Variants in RANBP17 observed in about 807,000 individuals in gnomAD.
The protein encoded by RANBP17 is ran-binding protein 17.
In RANBP17, 158 loss-of-function variants were observed where a neutral mutation model predicts 141.2. The ratio of observed to expected loss-of-function variants is 1.12; its 90% CI spans 0.98 to 1.28. The LOEUF (loss-of-function observed/expected upper bound fraction) is 1.28. Among genes scored for constraint, RANBP17 ranks in the 50% most tolerant of loss-of-function variants. The pLI is 0.00. For synonymous variants in RANBP17, 430 were observed against 450.0 expected, an observed-to-expected ratio of 0.96 and a Z score of 0.56; for missense variants, 1,438 against 1,290.7, an observed-to-expected ratio of 1.11 and a Z score of -1.75.
intron 14 of RANBP17, among the ~76,000 whole-genome samples, chr5:171,088,516 C>T (rs1358237679): frequency 1.4e-3 from 196 of 144,714 alleles, no homozygotes; most frequent in South Asian, 2.9e-3. Flanking sequence ...GCCTGCCTTG[C>T]TAGATTGGGG....
In RANBP17 at chr5:171,081,132, T is replaced by G. The variant is rs1234977282; in HGVS notation, c.1711-88998T>G. 2.6e-5 allele frequency among the ~76,000 whole-genome samples: 4 copies of G among 152,182 alleles called. No individual in the cohort carries two copies. The East Asian group carries it at 7.7e-4, about 29-fold the overall frequency. On this transcript the variant is annotated intron_variant, in intron 14 of 27. Coordinates refer to ENST00000523189, the MANE Select transcript of RANBP17 (RefSeq NM_022897.5). The stretch of plus-strand genomic sequence containing the variant: ...ACCCTAGTCCATCTGAGTTTAAAGC[T>G]TATCCTTTTACTACTTTCCAGCTGT...
Position 171,264,161 on chromosome 5 carries a change from G to A in RANBP17, c.2777-1520G>A, listed in dbSNP as rs541592358. Among the ~76,000 whole-genome samples the A allele has an allele frequency of 1.2e-4, 18 of 152,206 alleles. No homozygotes were observed. The South Asian group carries it at 1.2e-3, about 11-fold the overall frequency. On this transcript the variant is annotated intron_variant, in intron 24 of 27. Transcript: ENST00000523189. Reference sequence around the variant, plus strand: ...TACAGATCCAGAAAAAACAAATGTCGTATGTTCCCATTGATAAGTGGGAGC... The same window carrying A: ...TACAGATCCAGAAAAAACAAATGTCATATGTTCCCATTGATAAGTGGGAGC...
chr5:171,096,978 T>G (rs1786742654), intron 14 of RANBP17, among the ~76,000 whole-genome samples: 1 of 152,184 alleles, frequency 6.6e-6, no homozygotes, highest in Non-Finnish European at 1.5e-5. Context: ...TCAGTGTTGA[T>G]TGTGACCATG....
At chr5:170,891,674 G>GA (rs1430285842) in intron 3 of RANBP17, among the ~76,000 whole-genome samples, 1 of 152,168 alleles carries the variant, frequency 6.6e-6, no homozygotes, top group African/African-American at 2.4e-5. Flanking sequence ...GAGAAAGAGA[G>GA]AAGGGGGAGG....
At chr5:171,108,289 A>G (rs1391597032) in intron 14 of RANBP17, among the ~76,000 whole-genome samples, 1 of 152,208 alleles carries the variant, frequency 6.6e-6, no homozygotes, top group Non-Finnish European at 1.5e-5. Flanking sequence ...AAGCAGTGCA[A>G]CTAATAAGGG....
chr5:171,248,433 C>T (rs1765360416), intron 24 of RANBP17, among the ~76,000 whole-genome samples: 1 of 151,998 alleles, frequency 6.6e-6, no homozygotes, highest in Non-Finnish European at 1.5e-5. Context: ...AGCAAGCAGC[C>T]AGCTCGGCCA....
chr5:171,005,616 T>C (rs1403440771), intron 14 of RANBP17, among the ~76,000 whole-genome samples: 4 of 152,286 alleles, frequency 2.6e-5, no homozygotes, highest in East Asian at 1.9e-4. Context: ...AAGACTTACA[T>C]GTTAGACCTA....
chr5:171,299,098 T>C lies in RANBP17; in HGVS notation c.*240T>C. 2.4e-6 allele frequency: 1 copy of C among 409,836 alleles called. No individual in the cohort carries two copies. The highest frequency in any genetic ancestry group is 4.7e-5 in the South Asian group (1 of 21,170). 25.4% of individuals were successfully genotyped at this position (409,836 alleles called of 1,614,324 possible). On this transcript the variant is annotated 3_prime_UTR_variant, in exon 28 of 28. Transcript: ENST00000523189. ...GTGTTTTCAGTCTTTCTATCAAATATTATCTTTGTTCTCCTAATGCTCTGA... is the reference window on the plus strand; with the variant it reads ...GTGTTTTCAGTCTTTCTATCAAATACTATCTTTGTTCTCCTAATGCTCTGA...
intron 22 of RANBP17, among the ~76,000 whole-genome samples, chr5:171,236,494 C>T (rs1340800578): frequency 6.6e-6 from 1 of 152,098 alleles, no homozygotes; most frequent in Non-Finnish European, 1.5e-5. Flanking sequence ...AAGAGGCTGT[C>T]AAATGATAGA....
At chr5:171,257,141 A>G (rs1765952241) in intron 24 of RANBP17, among the ~76,000 whole-genome samples, 1 of 152,204 alleles carries the variant, frequency 6.6e-6, no homozygotes, top group Non-Finnish European at 1.5e-5. Context: ...GCCATTATGA[A>G]CATAGGTGCA....
intron 14 of RANBP17, among the ~76,000 whole-genome samples, chr5:170,994,891 TTAAAC>T (rs1778717867): frequency 6.6e-6 from 1 of 152,094 alleles, no homozygotes; most frequent in African/African-American, 2.4e-5. Context: ...TACCTATAAT[TTAAAC>T]TTAAATCTAG....
At chr5:170,938,648 T>A (rs965429315) in intron 12 of RANBP17, among the ~76,000 whole-genome samples, 2 of 152,060 alleles carry the variant, frequency 1.3e-5, no homozygotes, top group Non-Finnish European at 1.5e-5. Flanking sequence ...CTGAAAAAAC[T>A]TTTTTTATTG....
intron 14 of RANBP17, among the ~76,000 whole-genome samples, chr5:171,057,600 A>G (rs1227065573): frequency 1.3e-5 from 2 of 152,060 alleles, no homozygotes; most frequent in Non-Finnish European, 2.9e-5. Context: ...TAACTTTGTG[A>G]TTATGTATTT....
intron 20 of RANBP17, among the ~76,000 whole-genome samples, chr5:171,212,066 G>A (rs575358836): frequency 1.3e-5 from 2 of 152,262 alleles, no homozygotes; most frequent in South Asian, 2.1e-4. Context: ...TGCTAGCACC[G>A]GGTTCCACCA....
chr5:171,099,785 C>G (rs1254728435), intron 14 of RANBP17, among the ~76,000 whole-genome samples: 1 of 152,170 alleles, frequency 6.6e-6, no homozygotes, highest in Non-Finnish European at 1.5e-5. Context: ...CCGTCAGTTC[C>G]TAATTTATTG....
intron 14 of RANBP17, among the ~76,000 whole-genome samples, chr5:171,106,041 C>T (rs1561660586): frequency 6.6e-6 from 1 of 152,052 alleles, no homozygotes; most frequent in Non-Finnish European, 1.5e-5. Flanking sequence ...AATTTGTTTC[C>T]TAGAGAAAGT....
intron 14 of RANBP17, among the ~76,000 whole-genome samples, chr5:171,141,446 A>T (rs1757687068): frequency 6.6e-6 from 1 of 151,156 alleles, no homozygotes. Flanking sequence ...AAAAAAAAAA[A>T]AATACAAAAA....
chr5:170,884,647 A>T (rs1271217202), intron 3 of RANBP17, among the ~76,000 whole-genome samples: 1 of 151,960 alleles, frequency 6.6e-6, no homozygotes, highest in African/African-American at 2.4e-5. Flanking sequence ...ACCTTATGGA[A>T]ATACATTGTA....
chr5:170,990,674 G>A (rs1778442589), intron 14 of RANBP17, among the ~76,000 whole-genome samples: 1 of 152,000 alleles, frequency 6.6e-6, no homozygotes. Flanking sequence ...AAATTGTGCT[G>A]TGCACGAGAA....
Sources: gnomAD v4.1 joint callset for allele counts (sites outside exome capture counted in the v4.1 genomes callset) on GRCh38, gnomAD v4.1.1 for gene constraint, MANE v1.5 for transcripts, NCBI Gene and HGNC (gene_info 2026-07-23, HGNC 2026-07-21) for gene names.